The following CERS6 variants were observed in gnomAD, a reference collection of about 807,000 sequenced individuals.
CERS6 encodes ceramide synthase 6, also known as LAG1 homolog, ceramide synthase 6.
CERS6 carries 26 observed loss-of-function variants against 56.8 expected under a neutral mutation model. That is an observed-to-expected ratio of 0.46 (90% CI 0.34 to 0.63). The LOEUF is 0.63. CERS6 is among the 30% of genes least tolerant of loss of function. The pLI, the probability that CERS6 is intolerant of heterozygous loss-of-function variation, is 0.01. For synonymous variants in CERS6, 164 were observed against 173.3 expected, an observed-to-expected ratio of 0.95 and a Z score of 0.42; for missense variants, 415 against 467.5, an observed-to-expected ratio of 0.89 and a Z score of 1.04.
intron 1 of CERS6, among the ~76,000 whole-genome samples, chr2:168,469,418 G>A (rs1693938114): frequency 6.6e-6 from 1 of 152,144 alleles, no homozygotes; most frequent in Non-Finnish European, 1.5e-5. Flanking sequence ...AGGAAGTAAG[G>A]CAAAGATGAA....
chr2:168,743,200 ATATG>A lies in CERS6; in HGVS notation c.846-22390_846-22387del, dbSNP rs1214250623. ...TGTGTGTATGTGTGTGTGTATATAT[ATATG>A]TGTGTGTGTATGTGTGTGTGTATAT... On this transcript the variant is annotated intron_variant, in intron 8 of 9. Coordinates refer to ENST00000305747, the MANE Select transcript of CERS6 (RefSeq NM_203463.3). 5.6e-5 allele frequency among the ~76,000 whole-genome samples: 8 copies of A among 142,994 alleles called. No homozygotes were observed. The Admixed American group carries it at 6.0e-4, about 11-fold the overall frequency. The allele number at this position is 142,994 out of a possible 152,430, so 93.8% of individuals were successfully genotyped here.
At position 168,456,653 on chromosome 2, in the gene CERS6, TGCGCACACACAC is replaced by T. The variant is rs778463002; in HGVS notation, c.170+40_170+51del. 13 of 1,476,262 alleles carry T rather than the reference TGCGCACACACAC, an allele frequency of 8.8e-6. No homozygotes were observed. The highest frequency in any genetic ancestry group is 2.9e-5 in the African/African-American group (2 of 68,868). 91.4% of individuals were successfully genotyped at this position (1,476,262 alleles called of 1,614,324 possible). A position where few individuals can be genotyped will look rare whatever the true frequency, so the allele number is the denominator to read the frequency against. On this transcript the variant is annotated intron_variant, in intron 1 of 9. Coordinates refer to ENST00000305747, the MANE Select transcript of CERS6 (RefSeq NM_203463.3). The surrounding 1 kb of genome is among the most constrained non-coding windows in gnomAD (Gnocchi z 4.1). ...GCTGAAGCCCCTCCTCCCCTCCCCC[TGCGCACACACAC>T]GCGCGCACACACTCGCGCGCTCTCT...
chr2:168,501,137 C>T (rs1003790523), intron 1 of CERS6, among the ~76,000 whole-genome samples: 5 of 152,202 alleles, frequency 3.3e-5, no homozygotes, highest in Non-Finnish European at 7.3e-5. Context: ...AGGCAGTTCA[C>T]TGTCGTTGTT....
At chr2:168,465,067 G>T (rs1693847567) in intron 1 of CERS6, among the ~76,000 whole-genome samples, 1 of 152,212 alleles carries the variant, frequency 6.6e-6, no homozygotes, top group African/African-American at 2.4e-5. Flanking sequence ...GGGTCTCAGA[G>T]ATATATTTGT....
chr2:168,760,497 A>G (rs578101408), intron 8 of CERS6, among the ~76,000 whole-genome samples: 1 of 152,280 alleles, frequency 6.6e-6, no homozygotes, highest in South Asian at 2.1e-4. Context: ...CAGACCCAGG[A>G]TAAATACTTT....
intron 3 of CERS6, among the ~76,000 whole-genome samples, chr2:168,574,603 T>G (rs1291526700): frequency 6.6e-6 from 1 of 152,200 alleles, no homozygotes; most frequent in Non-Finnish European, 1.5e-5. Context: ...TGTTATTTAA[T>G]ATAGTGATTA....
chr2:168,716,505 A>G (rs1458833132), intron 7 of CERS6, among the ~76,000 whole-genome samples: 1 of 152,148 alleles, frequency 6.6e-6, no homozygotes, highest in African/African-American at 2.4e-5. Context: ...CATGTGGCTT[A>G]AAAACAAATG....
At chr2:168,720,181 C>T (rs185405595) in intron 8 of CERS6, among the ~76,000 whole-genome samples, 6 of 151,998 alleles carry the variant, frequency 3.9e-5, no homozygotes, top group Admixed American at 6.5e-5. Context: ...CCACCCGCCT[C>T]GGCCTCCCAA....
chr2:168,724,388 C>T (rs1039822522), intron 8 of CERS6, among the ~76,000 whole-genome samples: 2 of 152,140 alleles, frequency 1.3e-5, no homozygotes, highest in African/African-American at 4.8e-5. Context: ...AACAAAGCTT[C>T]CACAGTGTGG....
chr2:168,695,040 A>T lies in CERS6; in HGVS notation c.598A>T (p.Ile200Phe). Reference sequence around the variant, plus strand: ...TTTGATGTTTTCTCAGTTCACTGATATCAAAAGAAAGGTAAGAGCGGTTAT... The same window carrying T: ...TTTGATGTTTTCTCAGTTCACTGATTTCAAAAGAAAGGTAAGAGCGGTTAT... ...WSLMFSQFTD[I>F]KRKDFGIMFL... is the part of the protein sequence containing the mutation. Residue 200 changes from isoleucine (I) to phenylalanine (F), a missense_variant, in exon 6 of 10, where the codon ATC becomes TTC. Physicochemically the swap from Ile to Phe is conservative, Grantham distance 21. Transcript: ENST00000305747. 6.2e-7 allele frequency: 1 copy of T among 1,612,554 alleles called. No individual in the cohort carries two copies. Among genetic ancestry groups the T allele is most frequent in the Non-Finnish European group, 8.5e-7 (1 of 1,178,750 alleles).
intron 1 of CERS6, among the ~76,000 whole-genome samples, chr2:168,507,152 T>A (rs1029735585): frequency 1.3e-5 from 2 of 152,160 alleles, no homozygotes; most frequent in Admixed American, 1.3e-4. Flanking sequence ...TATGCTTTTT[T>A]CCCTAAACAA....
chr2:168,633,259 C>T (rs1684790557), intron 4 of CERS6, among the ~76,000 whole-genome samples: 1 of 151,232 alleles, frequency 6.6e-6, no homozygotes, highest in Admixed American at 6.6e-5. Context: ...TTCTTTAATT[C>T]CATCCAAGCA....
At chr2:168,495,219 A>G (rs1694444138) in intron 1 of CERS6, among the ~76,000 whole-genome samples, 1 of 152,234 alleles carries the variant, frequency 6.6e-6, no homozygotes, top group African/African-American at 2.4e-5. Flanking sequence ...CATTAATAGC[A>G]GTTTATTGAT....
At chr2:168,504,083 A>G (rs540657465) in intron 1 of CERS6, among the ~76,000 whole-genome samples, 2 of 152,348 alleles carry the variant, frequency 1.3e-5, no homozygotes, top group East Asian at 3.9e-4. Context: ...CAAGTGAAGT[A>G]TGTCAGTAAG....
intron 8 of CERS6, among the ~76,000 whole-genome samples, chr2:168,751,513 T>C (rs541961704): frequency 1.3e-5 from 2 of 152,314 alleles, no homozygotes; most frequent in East Asian, 3.9e-4. Flanking sequence ...ACTATAATAA[T>C]CACTGAGCAG....
chr2:168,711,489 T>G lies in CERS6; in HGVS notation c.610-3512T>G, dbSNP rs372096836. 2.2e-4 allele frequency among the ~76,000 whole-genome samples: 34 copies of G among 152,270 alleles called. 2 individuals are homozygous for G. The East Asian group carries it at 4.2e-3, about 19-fold the overall frequency. ...TGGCTCAAGCCTGTAATCCTAGCAC[T>G]TTGGGAAGCTGAGGCAGGTGCATCA... On this transcript the variant is annotated intron_variant, in intron 6 of 9. Coordinates refer to ENST00000305747, the MANE Select transcript of CERS6 (RefSeq NM_203463.3).
chr2:168,767,664 G>A (rs1159844947), intron 9 of CERS6, among the ~76,000 whole-genome samples: 2 of 152,154 alleles, frequency 1.3e-5, no homozygotes, highest in Admixed American at 1.3e-4. Flanking sequence ...AAGTTCTCCT[G>A]ACCCCACCCA....
intron 6 of CERS6, among the ~76,000 whole-genome samples, chr2:168,714,790 C>T (rs1411545665): frequency 1.3e-5 from 2 of 152,116 alleles, no homozygotes; most frequent in African/African-American, 4.8e-5. Context: ...TCTGCCAGAG[C>T]CTTGATCTTG....
chr2:168,476,561 A>C (rs1694074244), intron 1 of CERS6, among the ~76,000 whole-genome samples: 1 of 152,128 alleles, frequency 6.6e-6, no homozygotes, highest in Non-Finnish European at 1.5e-5. Flanking sequence ...TTGGTGGCTG[A>C]GACGTCCTGC....
Sources: allele counts gnomAD v4.1 joint callset (sites outside exome capture counted in the v4.1 genomes callset), GRCh38; gene constraint gnomAD v4.1.1; non-coding constraint Gnocchi (gnomAD v3.1); transcripts MANE v1.5; gene names NCBI Gene and HGNC (gene_info 2026-07-23, HGNC 2026-07-21).